Variants in MGAT4C observed in about 807,000 individuals in gnomAD.
MGAT4C encodes the protein MGAT4 family member C.
A neutral mutation model predicts 40.1 loss-of-function variants in MGAT4C; 19 were observed. That is an observed-to-expected ratio of 0.47 (90% confidence interval 0.33 to 0.70). The LOEUF (loss-of-function observed/expected upper bound fraction) is 0.70. Ranked by LOEUF, MGAT4C falls within the 30% of genes least tolerant of loss-of-function variation. The pLI is 0.02. For synonymous variants in MGAT4C, 181 were observed against 187.1 expected (o/e 0.97, Z 0.27); for missense variants, 491 against 563.2 (o/e 0.87, Z 1.30).
chr12:86,005,575 C>T (rs1348703742), intron 2 of MGAT4C, among the ~76,000 whole-genome samples: 1 of 152,092 alleles, frequency 6.6e-6, no homozygotes, highest in Non-Finnish European at 1.5e-5. Flanking sequence ...TAAGGAAGAT[C>T]ACTTCCTAGC....
Position 85,962,058 on chromosome 12 carries a change from A to G in MGAT4C, c.*17231T>C, listed in dbSNP as rs1257638806. ...CCCCTTAGAAACTCTTAAATCTTCA[A>G]TTTATAAAAGTCATCCTAAGACGTT... On this transcript the variant is annotated 3_prime_UTR_variant, in exon 5 of 5. Transcript: ENST00000611864. 2.0e-5 allele frequency: 3 copies of G among 151,856 alleles called. No homozygotes were observed. The highest frequency in any genetic ancestry group is 6.6e-5 in the Admixed American group (1 of 15,214). 9.4% of individuals were successfully genotyped at this position (151,856 alleles called of 1,614,324 possible).
intron 2 of MGAT4C, among the ~76,000 whole-genome samples, chr12:86,664,220 C>A (rs533411117): frequency 6.6e-6 from 1 of 151,766 alleles, no homozygotes; most frequent in South Asian, 2.1e-4. Flanking sequence ...TTCCCTTTCT[C>A]ATTTTTTCTT....
chr12:86,804,925 G>C (rs964340265), intron 1 of MGAT4C, among the ~76,000 whole-genome samples: 2 of 151,882 alleles, frequency 1.3e-5, no homozygotes, highest in African/African-American at 2.4e-5. Context: ...TTAAAATTTT[G>C]GTTAAGCATT....
At chr12:86,138,596 T>G (rs113893644) in intron 1 of MGAT4C, among the ~76,000 whole-genome samples, 11,630 of 107,954 alleles carry the variant, frequency 0.11, 626 homozygotes, top group Middle Eastern at 0.27. Flanking sequence ...TATTTCCATA[T>G]ATATATTTCC....
chr12:86,206,178 A>C (rs749785940), intron 1 of MGAT4C, among the ~76,000 whole-genome samples: 8 of 152,122 alleles, frequency 5.3e-5, no homozygotes, highest in Non-Finnish European at 1.0e-4. Context: ...CAGTAGACTC[A>C]ACACACTGGC....
intron 3 of MGAT4C, among the ~76,000 whole-genome samples, chr12:86,401,432 C>T (rs1337123655): frequency 3.9e-5 from 6 of 151,932 alleles, no homozygotes; most frequent in Admixed American, 3.9e-4. Flanking sequence ...CAACAAAAAT[C>T]ACTGGATTTT....
In MGAT4C at chr12:86,538,608, C is replaced by CTTT. The variant is rs71078909; in HGVS notation, c.-228-103346_-228-103344dup. On this transcript the variant is annotated intron_variant, in intron 2 of 7. Transcript: ENST00000548651. ...TGTCTGTGCTCAAAGTGTAATACTT[C>CTTT]TTTTTTTTTTTTTTTTGAGACAAGA... is the stretch of plus-strand genomic sequence containing the variant. Among the ~76,000 whole-genome samples, 47 of 138,350 alleles carry CTTT rather than the reference C, an allele frequency of 3.4e-4. 2 individuals are homozygous for CTTT. Among genetic ancestry groups the CTTT allele is most frequent in the South Asian group, 9.1e-4 (4 of 4,392 alleles). The allele number at this position is 138,350 out of a possible 152,430, so 90.8% of individuals were successfully genotyped here.
At chr12:86,365,107 C>A (rs939245347) in intron 3 of MGAT4C, among the ~76,000 whole-genome samples, 1 of 152,126 alleles carries the variant, frequency 6.6e-6, no homozygotes, top group South Asian at 2.1e-4. Flanking sequence ...CGGCCGCCCC[C>A]TGAAGTGGCC....
chr12:86,712,478 T>C (rs544590550), intron 2 of MGAT4C, among the ~76,000 whole-genome samples: 1 of 152,238 alleles, frequency 6.6e-6, no homozygotes, highest in South Asian at 2.1e-4. Context: ...TGCTGGGCTG[T>C]GTTTTATCAG....
chr12:86,132,791 C>CAAAAAAAAAAAAAAAAAAAAAAAAAAAAA (rs60321690), intron 1 of MGAT4C, among the ~76,000 whole-genome samples: 2 of 93,730 alleles, frequency 2.1e-5, no homozygotes, highest in Non-Finnish European at 2.0e-5. Flanking sequence ...GACTCCGTCT[C>CAAAAAAAAAAAAAAAAAAAAAAAAAAAAA]AAAAAAAAAA....
chr12:86,773,330 C>T (rs550605889), intron 1 of MGAT4C, among the ~76,000 whole-genome samples: 32 of 152,170 alleles, frequency 2.1e-4, no homozygotes, highest in African/African-American at 7.7e-4. Flanking sequence ...GAGAAGATAG[C>T]CACCTGTAAG....
chr12:86,035,745 A>G (rs1891174602), intron 2 of MGAT4C, among the ~76,000 whole-genome samples: 1 of 149,878 alleles, frequency 6.7e-6, no homozygotes, highest in South Asian at 2.1e-4. Flanking sequence ...TCTTGGGTTA[A>G]TTTTTATATA....
At chr12:86,631,352 G>A (rs1188544714) in intron 2 of MGAT4C, among the ~76,000 whole-genome samples, 1 of 152,010 alleles carries the variant, frequency 6.6e-6, no homozygotes, top group Non-Finnish European at 1.5e-5. Flanking sequence ...TAGGTTCAAT[G>A]CCATCCCCAT....
At chr12:86,263,723 T>A (rs1021496736) in intron 4 of MGAT4C, among the ~76,000 whole-genome samples, 3 of 152,214 alleles carry the variant, frequency 2.0e-5, no homozygotes, top group Non-Finnish European at 4.4e-5. Flanking sequence ...ATTGTAGTTA[T>A]ACTTTTAGTT....
At chr12:86,695,101 G>A (rs564715355) in intron 2 of MGAT4C, among the ~76,000 whole-genome samples, 1 of 152,174 alleles carries the variant, frequency 6.6e-6, no homozygotes, top group South Asian at 2.1e-4. Flanking sequence ...TTAAAAACTG[G>A]GCAGAAGATT....
Position 86,521,262 on chromosome 12 carries a change from G to A in MGAT4C, c.-228-85997C>T, listed in dbSNP as rs182228248. ...GAGTTTTGTATATGGTGTAAGAAAG[G>A]GGCCGACTTTCAATCTTCCTCGTTT... On this transcript the variant is annotated intron_variant, in intron 2 of 7. Coordinates refer to the MGAT4C transcript ENST00000548651. Among the ~76,000 whole-genome samples, 20 of 152,170 alleles carry A rather than the reference G, an allele frequency of 1.3e-4. No individual in the cohort carries two copies. The East Asian group carries it at 3.5e-3, about 26-fold the overall frequency.
intron 1 of MGAT4C, among the ~76,000 whole-genome samples, chr12:86,740,531 T>C (rs1166499237): frequency 6.6e-6 from 1 of 151,262 alleles, no homozygotes; most frequent in Non-Finnish European, 1.5e-5. Flanking sequence ...TTTTGAAATT[T>C]AATGCCACTT....
intron 2 of MGAT4C, among the ~76,000 whole-genome samples, chr12:86,496,948 C>A (rs1271720367): frequency 6.6e-6 from 1 of 151,882 alleles, no homozygotes; most frequent in East Asian, 1.9e-4. Flanking sequence ...AAGCAGATAT[C>A]AGTAGATTTA....
At chr12:86,490,700 T>G (rs1958115388) in intron 2 of MGAT4C, among the ~76,000 whole-genome samples, 1 of 151,416 alleles carries the variant, frequency 6.6e-6, no homozygotes, top group Non-Finnish European at 1.5e-5. Context: ...AGGCTCAAAA[T>G]AAAAGGATGG....
Sources: allele counts gnomAD v4.1 joint callset (sites outside exome capture counted in the v4.1 genomes callset), GRCh38; gene constraint gnomAD v4.1.1; transcripts MANE v1.5; gene names NCBI Gene and HGNC (gene_info 2026-07-23, HGNC 2026-07-21).